NAPB: variants seen among roughly 807,000 people sequenced by gnomAD.
NAPB encodes NSF attachment protein beta.
In NAPB, 26 loss-of-function variants were observed where a neutral mutation model predicts 44.7. The ratio of observed to expected loss-of-function variants is 0.58; its 90% CI spans 0.43 to 0.81. The LOEUF is 0.81. Among genes scored for constraint, NAPB ranks in the 30% least tolerant of loss-of-function variants. NAPB has a pLI of 0.00. For missense variants in NAPB, 315 were observed against 356.4 expected, an observed-to-expected ratio of 0.88 and a Z score of 0.94; for synonymous variants, 120 against 116.8, an observed-to-expected ratio of 1.03 and a Z score of -0.18.
intron 1 of NAPB, among the ~76,000 whole-genome samples, chr20:23,420,617 G>C (rs1006778205): frequency 2.0e-5 from 3 of 152,050 alleles, no homozygotes; most frequent in Non-Finnish European, 4.4e-5. Context: ...GGAGCGATAC[G>C]GGCTTCAGCG....
rs184426134 is a variant in NAPB at position 23,387,046 on chromosome 20, T to C, written c.561+2900A>G. 2.1e-3 allele frequency among the ~76,000 whole-genome samples: 321 copies of C among 152,180 alleles called. 1 individual carries two copies. Among genetic ancestry groups the C allele is most frequent in the African/African-American group, 7.2e-3 (299 of 41,510 alleles). Reference sequence around the variant, plus strand: ...GACAAAAACCATACGCTTATCTCAATAGATGCAGAAAAAAGTTTGACAAAG... The same window carrying C: ...GACAAAAACCATACGCTTATCTCAACAGATGCAGAAAAAAGTTTGACAAAG... On this transcript the variant is annotated intron_variant, in intron 7 of 10. Transcript: ENST00000377026.
rs984113421 is a variant in NAPB at position 23,374,893 on chromosome 20, C to A, written c.*2483G>T. 1 of 152,318 alleles carries A rather than the reference C, an allele frequency of 6.6e-6. No homozygotes were observed. The highest frequency in any genetic ancestry group is 1.5e-5 in the Non-Finnish European group (1 of 68,036). The allele number at this position is 152,318 out of a possible 1,614,324, so 9.4% of individuals were successfully genotyped here. ...TGTTGCCACAAAAAGCAAAACTTTC[C>A]TCTAAGAAATATTAACTGACTTTGA... On this transcript the variant is annotated 3_prime_UTR_variant, in exon 11 of 11. Coordinates refer to ENST00000377026, the MANE Select transcript of NAPB (RefSeq NM_022080.3).
At position 23,421,397 on chromosome 20, in the gene NAPB, G is replaced by A. The variant is rs1260327346; in HGVS notation, c.6C>T (p.Asp2=). The change falls in exon 1 of 11, where the codon GAC becomes GAT. Residue 2 remains aspartate (D), a synonymous_variant. Coordinates refer to ENST00000377026, the MANE Select transcript of NAPB (RefSeq NM_022080.3). M[D]NAGKEREAVQ... Reference sequence around the variant, plus strand: ...CTGCCTCACGCTCCTTCCCCGCGTTGTCCATGTCGCCCGCCGCGGCCGCCA... The same window carrying A: ...CTGCCTCACGCTCCTTCCCCGCGTTATCCATGTCGCCCGCCGCGGCCGCCA... 7.8e-6 allele frequency: 12 copies of A among 1,545,162 alleles called. No homozygotes were observed. The highest frequency in any genetic ancestry group is 9.6e-6 in the Non-Finnish European group (11 of 1,145,282).
intron 2 of NAPB, among the ~76,000 whole-genome samples, chr20:23,398,854 ATTTTTTTTTTT>A (rs34074566): frequency 2.2e-5 from 2 of 90,426 alleles, no homozygotes; most frequent in African/African-American, 4.8e-5. Flanking sequence ...CAAAAAAAAA[ATTTTTTTTTTT>A]TTTTTTTTTT....
intron 2 of NAPB, among the ~76,000 whole-genome samples, chr20:23,402,628 A>T (rs1426899747): frequency 6.6e-6 from 1 of 152,182 alleles, no homozygotes; most frequent in African/African-American, 2.4e-5. Flanking sequence ...AATGACTTTT[A>T]TTCCAACTTT....
At chr20:23,420,907 T>C (rs529870286) in intron 1 of NAPB, among the ~76,000 whole-genome samples, 6 of 150,532 alleles carry the variant, frequency 4.0e-5, no homozygotes, top group East Asian at 2.0e-4. Context: ...TGAGGGTCCC[T>C]GTGAGACTCT....
At chr20:23,378,431 T>G (rs964267514) in intron 10 of NAPB, among the ~76,000 whole-genome samples, 1 of 149,212 alleles carries the variant, frequency 6.7e-6, no homozygotes, top group African/African-American at 2.4e-5. Flanking sequence ...AATATATATA[T>G]ATATTTATTA....
chr20:23,382,982 T>C (rs1203993), intron 7 of NAPB, among the ~76,000 whole-genome samples: 8 of 151,966 alleles, frequency 5.3e-5, no homozygotes, highest in African/African-American at 7.2e-5. Context: ...TGGCGAAACC[T>C]TGTCTGTACT....
chr20:23,394,870 G>C (rs1327444244), intron 5 of NAPB, 52 bp downstream of exon 5: 5 of 1,552,532 alleles, frequency 3.2e-6, no homozygotes, highest in Non-Finnish European at 4.4e-6. Context: ...AGAGTTCTTT[G>C]AGTCAGCTTA....
At position 23,377,462 on chromosome 20, in the gene NAPB, G is replaced by A. The variant is rs753444773; in HGVS notation, c.811C>T (p.Arg271Cys). ...ATGGTGGTCAGCCACTGATCCAAGC[G>A]AGATATTGAGTCAAATTCCTTCACC... ...EAVKEFDSISRLDQWLTTMLL... is the reference protein window; with the variant it reads ...EAVKEFDSISCLDQWLTTMLL... The change falls in exon 11 of 11, where the codon CGC (arginine) becomes TGC (cysteine). Residue 271 changes from arginine (R) to cysteine (C), a missense_variant. Transcript: ENST00000377026. The A allele has an allele frequency of 1.2e-5, 19 of 1,601,844 alleles. No homozygotes were observed. The highest frequency in any genetic ancestry group is 4.0e-5 in the African/African-American group (3 of 74,788).
intron 1 of NAPB, among the ~76,000 whole-genome samples, chr20:23,418,249 CAT>C (rs1301209080): frequency 6.6e-6 from 1 of 152,172 alleles, no homozygotes; most frequent in African/African-American, 2.4e-5. Flanking sequence ...TGGAGTCTGA[CAT>C]AGAGATGGAT....
rs1359993479 is a variant in NAPB at position 23,421,427 on chromosome 20, C to A, written c.-25G>T. On this transcript the variant is annotated 5_prime_UTR_variant, in exon 1 of 11. Transcript: ENST00000377026. ...TGTCGCCCGCCGCGGCCGCCACAGCCCCCTCAGCCGGCTCGCTGTGCGCCC... is the reference window on the plus strand; with the variant it reads ...TGTCGCCCGCCGCGGCCGCCACAGCACCCTCAGCCGGCTCGCTGTGCGCCC... 20 of 1,539,322 alleles carry A rather than the reference C, an allele frequency of 1.3e-5. No individual in the cohort carries two copies. Among genetic ancestry groups the A allele is most frequent in the Non-Finnish European group, 1.8e-5 (20 of 1,141,824 alleles).
chr20:23,385,425 G>C (rs1043979079), intron 7 of NAPB, among the ~76,000 whole-genome samples: 2 of 152,128 alleles, frequency 1.3e-5, no homozygotes, highest in African/African-American at 4.8e-5. Context: ...ACTAAAGTTG[G>C]AGATTTTAAC....
intron 7 of NAPB, among the ~76,000 whole-genome samples, chr20:23,385,711 T>TGAAAGAAGAGAAAGAAGA (rs3040368): frequency 6.8e-6 from 1 of 148,024 alleles, no homozygotes; most frequent in African/African-American, 2.5e-5. Context: ...AGACTCTGTC[T>TGAAAGAAGAGAAAGAAGA]GAAAGAAGAG....
intron 1 of NAPB, among the ~76,000 whole-genome samples, chr20:23,408,939 C>T (rs1035080352): frequency 7.9e-5 from 12 of 152,208 alleles, no homozygotes; most frequent in African/African-American, 2.9e-4. Context: ...GGGAGATACT[C>T]TCCAGAATGC....
intron 5 of NAPB, among the ~76,000 whole-genome samples, chr20:23,393,343 A>G (rs1389202261): frequency 6.6e-6 from 1 of 152,208 alleles, no homozygotes; most frequent in Non-Finnish European, 1.5e-5. Context: ...TTTATGTAAC[A>G]AATATGAGCA....
intron 8 of NAPB, among the ~76,000 whole-genome samples, chr20:23,380,507 C>T (rs763178199): frequency 2.0e-5 from 3 of 147,180 alleles, no homozygotes; most frequent in Non-Finnish European, 4.4e-5. Flanking sequence ...TTGTCTCCTC[C>T]CTTAGTTCCT....
chr20:23,398,681 A>G (rs896782302), intron 2 of NAPB, among the ~76,000 whole-genome samples: 6 of 151,736 alleles, frequency 4.0e-5, no homozygotes, highest in Non-Finnish European at 7.4e-5. Flanking sequence ...TGTCTCTACT[A>G]AAAATACAAA....
chr20:23,385,615 G>A (rs1983439655), intron 7 of NAPB, among the ~76,000 whole-genome samples: 1 of 152,096 alleles, frequency 6.6e-6, no homozygotes, highest in South Asian at 2.1e-4. Flanking sequence ...GGGAGGCTGA[G>A]GCACGAAAAT....
Sources: allele counts gnomAD v4.1 joint callset (sites outside exome capture counted in the v4.1 genomes callset), GRCh38; gene constraint gnomAD v4.1.1; transcripts MANE v1.5; gene names NCBI Gene and HGNC (gene_info 2026-07-23, HGNC 2026-07-21).